The following CRYBG3 variants were observed in gnomAD, a reference collection of about 807,000 sequenced individuals.
CRYBG3 encodes the protein very large A-kinase anchor protein.
Under a neutral mutation model 244.2 loss-of-function variants are expected in CRYBG3, and 127 were observed. The observed-to-expected ratio is 0.52, with a 90% confidence interval of 0.45 to 0.60. The LOEUF is 0.60. Among genes scored for constraint, CRYBG3 ranks in the 20% least tolerant of loss-of-function variants. CRYBG3 has a pLI of 0.00. For missense variants in CRYBG3, 3,325 were observed against 3,442.5 expected (o/e 0.97, Z 0.85); for synonymous variants, 1,132 against 1,195.8 (o/e 0.95, Z 1.10).
In CRYBG3 at chr3:97,892,927, T is replaced by C; in HGVS notation, c.7508T>C (p.Val2503Ala). 1.3e-6 allele frequency: 2 copies of C among 1,596,208 alleles called. No homozygotes were observed. The highest frequency in any genetic ancestry group is 1.7e-6 in the Non-Finnish European group (2 of 1,168,536). ...AKEFSEHIDSVPNFLKNNGDF... is the reference protein window; with the variant it reads ...AKEFSEHIDSAPNFLKNNGDF... ...GAGTTTAGTGAACATATAGATTCTG[T>C]TCCTAATTTTTTGAAAAATAATGGA... The change falls in exon 11 of 22, where the codon GTT (valine) becomes GCT (alanine). Residue 2503 changes from valine (V) to alanine (A), a missense_variant. Transcript: ENST00000389622.
intron 21 of CRYBG3, 95 bp from the exon 22 acceptor site, chr3:97,943,131 C>T: frequency 1.5e-6 from 1 of 686,932 alleles, no homozygotes; most frequent in Non-Finnish European, 2.5e-6. Context: ...ATTCATCCAC[C>T]GAAATGGTGA....
chr3:97,934,939 G>A (rs1377352092), intron 18 of CRYBG3, among the ~76,000 whole-genome samples: 2 of 151,586 alleles, frequency 1.3e-5, no homozygotes, highest in Non-Finnish European at 2.9e-5. Context: ...TTTTTTTCTG[G>A]AACACTGGTG....
chr3:97,899,158 GTTC>G lies in CRYBG3; in HGVS notation c.7871_7873del (p.Phe2624del), dbSNP rs2039675050. 1.2e-6 allele frequency: 2 copies of G among 1,610,828 alleles called. No homozygotes were observed. Among genetic ancestry groups the G allele is most frequent in the Non-Finnish European group, 1.7e-6 (2 of 1,179,236 alleles). On this transcript the variant is annotated inframe_deletion, in exon 14 of 22. Transcript: ENST00000389622. The stretch of plus-strand genomic sequence containing the variant: ...CTAGATGGGTTGCCTACCAGCAAAA[GTTC>G]TTCTGTGGAGAACAATACATTTTAG...
At chr3:97,907,931 A>T (rs2039798163) in intron 15 of CRYBG3, among the ~76,000 whole-genome samples, 1 of 151,614 alleles carries the variant, frequency 6.6e-6, no homozygotes, top group Admixed American at 6.6e-5. Flanking sequence ...CGTCCCAGAG[A>T]TTCTGGTATG....
At chr3:97,907,507 C>A (rs1240924924) in intron 15 of CRYBG3, among the ~76,000 whole-genome samples, 1 of 150,312 alleles carries the variant, frequency 6.7e-6, no homozygotes, top group African/African-American at 2.5e-5. Context: ...TTATCCATTT[C>A]TTCTAGATTT....
At position 97,858,343 on chromosome 3, in the gene CRYBG3, A is replaced by G. The variant is rs1432207752; in HGVS notation, c.217-5874A>G. Among the ~76,000 whole-genome samples, 4 of 152,006 alleles carry G rather than the reference A, an allele frequency of 2.6e-5. No individual in the cohort carries two copies. The East Asian group carries it at 7.7e-4, about 29-fold the overall frequency. On this transcript the variant is annotated intron_variant, in intron 2 of 21. Transcript: ENST00000389622. ...AGAAAATTTGTTGACTTTTGATAGT[A>G]TGACTATAATGTGCCTCAGAAAGGA...
At chr3:97,891,211 G>A (rs146936358) in intron 10 of CRYBG3, among the ~76,000 whole-genome samples, 3 of 152,168 alleles carry the variant, frequency 2.0e-5, no homozygotes, top group African/African-American at 4.8e-5. Context: ...TAGAAGGAAG[G>A]TCTATATTAA....
chr3:97,854,827 G>A (rs886254379), intron 2 of CRYBG3, among the ~76,000 whole-genome samples: 3 of 151,864 alleles, frequency 2.0e-5, no homozygotes, highest in East Asian at 1.9e-4. Context: ...TCCTCTATAC[G>A]AATTTGGACC....
chr3:97,941,047 A>T, intron 19 of CRYBG3, 101 bp from the exon 20 acceptor site: 1 of 892,568 alleles, frequency 1.1e-6, no homozygotes. Context: ...GATATAACTA[A>T]GATAGTTACC....
chr3:97,941,144 A>G lies in CRYBG3; in HGVS notation c.8506-4A>G. 1 of 1,598,398 alleles carries G rather than the reference A, an allele frequency of 6.3e-7. No individual in the cohort carries two copies. Among genetic ancestry groups the G allele is most frequent in the Non-Finnish European group, 8.5e-7 (1 of 1,172,924 alleles). ...TTTCTAAATGGCTGTTTCTCCTGTCATAGCCTGCAGTGTACATCAGAATAA... is the reference window on the plus strand; with the variant it reads ...TTTCTAAATGGCTGTTTCTCCTGTCGTAGCCTGCAGTGTACATCAGAATAA... On this transcript the variant is annotated splice_polypyrimidine_tract_variant and splice_region_variant and intron_variant, in intron 19 of 21. Transcript: ENST00000389622.
chr3:97,930,727 G>A (rs576923667), intron 17 of CRYBG3, among the ~76,000 whole-genome samples: 1 of 152,106 alleles, frequency 6.6e-6, no homozygotes, highest in South Asian at 2.1e-4. Context: ...AGCCACATGT[G>A]GCTAGTGGCT....
chr3:97,879,012 G>T (rs1327912835), intron 4 of CRYBG3, among the ~76,000 whole-genome samples: 1 of 152,114 alleles, frequency 6.6e-6, no homozygotes, highest in Non-Finnish European at 1.5e-5. Flanking sequence ...AATCTTCATG[G>T]CAAATAGTAA....
At chr3:97,853,078 T>C (rs1022154506) in intron 2 of CRYBG3, among the ~76,000 whole-genome samples, 2 of 152,164 alleles carry the variant, frequency 1.3e-5, no homozygotes, top group Admixed American at 6.5e-5. Flanking sequence ...AGTACTTTAG[T>C]GGTGATTTCT....
Position 97,915,675 on chromosome 3 carries a change from C to T in CRYBG3, c.8180C>T (p.Ala2727Val). The T allele has an allele frequency of 6.2e-7, 1 of 1,613,030 alleles. No individual in the cohort carries two copies. The highest frequency in any genetic ancestry group is 8.5e-7 in the Non-Finnish European group (1 of 1,179,172). The change falls in exon 17 of 22, where the codon GCT (alanine) becomes GTT (valine). Residue 2727 changes from alanine (A) to valine (V), a missense_variant. Transcript: ENST00000389622. ...NHCVLEEGLYADLTSCGCPAS... is the reference protein window; with the variant it reads ...NHCVLEEGLYVDLTSCGCPAS... ...TGTGTGTTAGAAGAAGGCCTCTATG[C>T]TGACCTTACTTCCTGCGGTTGCCCA...
chr3:97,850,809 C>T (rs1158024524), intron 2 of CRYBG3, among the ~76,000 whole-genome samples: 1 of 152,102 alleles, frequency 6.6e-6, no homozygotes, highest in Non-Finnish European at 1.5e-5. Context: ...GTTAATCAGA[C>T]AACCCACCAC....
intron 17 of CRYBG3, among the ~76,000 whole-genome samples, chr3:97,917,938 C>T (rs1260727691): frequency 6.6e-6 from 1 of 152,140 alleles, no homozygotes; most frequent in Admixed American, 6.6e-5. Flanking sequence ...TTCTCTGATT[C>T]ATTCTGATTC....
At chr3:97,904,736 C>A (rs2039747520) in intron 15 of CRYBG3, among the ~76,000 whole-genome samples, 1 of 136,332 alleles carries the variant, frequency 7.3e-6, no homozygotes, top group Admixed American at 7.3e-5. Context: ...TTTTTATAAT[C>A]TTTTTTTTAT....
Position 97,843,201 on chromosome 3 carries a change from A to G in CRYBG3, c.156A>G (p.Glu52=). Residue 52 remains glutamate (E), a synonymous_variant, in exon 2 of 22, where the codon GAA becomes GAG. Transcript: ENST00000389622. ...TGTGGTTTTTATTTTTCAGTGTTGA[A>G]AATGAGCCCATGAGCACAAGTCAGA... ...PAPGRSAASV[E]NEPMSTSQKK... is the part of the protein sequence containing the mutation. The G allele has an allele frequency of 1.3e-6, 2 of 1,517,226 alleles. No individual in the cohort carries two copies. The highest frequency in any genetic ancestry group is 8.8e-7 in the Non-Finnish European group (1 of 1,136,768). The allele number at this position is 1,517,226 out of a possible 1,614,324, so 94.0% of individuals were successfully genotyped here.
chr3:97,868,447 A>G (rs1292518172), intron 3 of CRYBG3, among the ~76,000 whole-genome samples: 1 of 152,184 alleles, frequency 6.6e-6, no homozygotes, highest in Non-Finnish European at 1.5e-5. Context: ...ACTCACTATA[A>G]TATATGAAGC....
Sources: gnomAD v4.1 joint callset for allele counts (sites outside exome capture counted in the v4.1 genomes callset) on GRCh38, gnomAD v4.1.1 for gene constraint, MANE v1.5 for transcripts, NCBI Gene and HGNC (gene_info 2026-07-23, HGNC 2026-07-21) for gene names.